The following SACM1L variants were observed in gnomAD, a reference collection of about 807,000 sequenced individuals.
SACM1L encodes the protein phosphatidylinositol-3-phosphatase SAC1.
SACM1L carries 32 observed loss-of-function variants against 89.5 expected under a neutral mutation model. That is an observed-to-expected ratio of 0.36 (90% confidence interval 0.27 to 0.48). SACM1L has a LOEUF of 0.48. Among genes scored for constraint, SACM1L ranks in the 20% least tolerant of loss-of-function variants. SACM1L has a pLI of 0.99. For synonymous variants in SACM1L, 213 were observed against 232.8 expected (o/e 0.92, Z 0.77); for missense variants, 543 against 708.5 (o/e 0.77, Z 2.65).
intron 7 of SACM1L, among the ~76,000 whole-genome samples, chr3:45,716,454 G>A (rs552644070): frequency 3.3e-5 from 5 of 152,264 alleles, no homozygotes; most frequent in African/African-American, 7.2e-5. Context: ...GGGTGACAGC[G>A]CAAGACCTCT....
At chr3:45,734,395 G>A (rs1181703274) in intron 13 of SACM1L, among the ~76,000 whole-genome samples, 12 of 150,890 alleles carry the variant, frequency 8.0e-5, no homozygotes, top group Admixed American at 2.0e-4. Flanking sequence ...TCTGGGTGAC[G>A]GAGGGAGATT....
chr3:45,689,485 A>G lies in SACM1L; in HGVS notation c.20A>G (p.Glu7Gly). 1 of 1,579,364 alleles carries G rather than the reference A, an allele frequency of 6.3e-7. No individual in the cohort carries two copies. The highest frequency in any genetic ancestry group is 2.3e-5 in the East Asian group (1 of 43,402). MATAAY[E>G]QLKLHITPEK... is the part of the protein sequence containing the mutation. The stretch of plus-strand genomic sequence containing the variant: ...TGCAGGATGGCGACGGCGGCCTACG[A>G]GCAGCTGAAGCTGTGAGTCCCACGG... The change falls in exon 1 of 20, where the codon GAG becomes GGG. Residue 7 changes from glutamate to glycine, a missense_variant. Physicochemically the swap from Glu to Gly is moderately conservative, Grantham distance 98. This residue lies in a region of SACM1L where 173 missense variants were observed against 180.9 expected (regional missense o/e 0.96). Transcript: ENST00000389061.
chr3:45,734,155 G>A (rs1476176216), intron 13 of SACM1L, among the ~76,000 whole-genome samples: 1 of 135,746 alleles, frequency 7.4e-6, no homozygotes, highest in Non-Finnish European at 1.5e-5. Flanking sequence ...GCTCACGCCT[G>A]TAATCCCAGC....
rs1699025988 is a variant in SACM1L at position 45,730,516 on chromosome 3, G to GAGAACAACCCTGTCCCCCATTCTTTGC, written c.922-781_922-755dup. On this transcript the variant is annotated intron_variant, in intron 11 of 19. Transcript: ENST00000389061. ...TAACAAAAAAAGAAAGCAAAAATGA[G>GAGAACAACCCTGTCCCCCATTCTTTGC]AGAACAACCCTGTCCCCCATTCTTT... 2 of 152,212 alleles carry GAGAACAACCCTGTCCCCCATTCTTTGC rather than the reference G, an allele frequency of 1.3e-5. 1 individual carries two copies. The highest frequency in any genetic ancestry group is 2.9e-5 in the Non-Finnish European group (2 of 68,034). 9.4% of individuals were successfully genotyped at this position (152,212 alleles called of 1,614,324 possible).
chr3:45,714,374 G>A (rs1220345503), intron 7 of SACM1L, among the ~76,000 whole-genome samples: 2 of 151,984 alleles, frequency 1.3e-5, no homozygotes, highest in Non-Finnish European at 1.5e-5. Flanking sequence ...CCTTTTATCA[G>A]TAAATTACAC....
intron 4 of SACM1L, among the ~76,000 whole-genome samples, chr3:45,708,422 A>G (rs1698448022): frequency 6.6e-6 from 1 of 152,114 alleles, no homozygotes; most frequent in Non-Finnish European, 1.5e-5. Flanking sequence ...TTTAAGTTGT[A>G]TTTTTACACC....
intron 7 of SACM1L, 33 bp from the exon 8 acceptor site, chr3:45,719,467 A>G: frequency 8.2e-7 from 1 of 1,214,050 alleles, no homozygotes; most frequent in Non-Finnish European, 1.2e-6. Context: ...TATGATTTCT[A>G]TTATATGTTA....
intron 1 of SACM1L, among the ~76,000 whole-genome samples, chr3:45,698,595 G>C (rs1698184662): frequency 6.6e-6 from 1 of 152,144 alleles, no homozygotes; most frequent in Non-Finnish European, 1.5e-5. Flanking sequence ...TTGTGCCCCA[G>C]GCTGGAGTGC....
rs546187467 is a variant in SACM1L at position 45,709,656 on chromosome 3, G to T, written c.483+9G>T. On this transcript the variant is annotated intron_variant, in intron 5 of 19. Coordinates refer to ENST00000389061, the MANE Select transcript of SACM1L (RefSeq NM_014016.5). ...TGAGTCTCTTGGAAAGGGTAAGCTT[G>T]ATCTTCAATTATTTTTATTTTTAGG... 5.0e-6 allele frequency: 8 copies of T among 1,588,562 alleles called. No individual in the cohort carries two copies. The highest frequency in any genetic ancestry group is 1.7e-4 in the Middle Eastern group (1 of 5,932).
Position 45,744,479 on chromosome 3 carries a change from C to T in SACM1L, c.*810C>T, listed in dbSNP as rs1699382405. 1.3e-5 allele frequency: 2 copies of T among 152,610 alleles called. No homozygotes were observed. The highest frequency in any genetic ancestry group is 2.1e-4 in the South Asian group (1 of 4,828). 9.5% of individuals were successfully genotyped at this position (152,610 alleles called of 1,614,324 possible). A position where few individuals can be genotyped will look rare whatever the true frequency, so the allele number is the denominator to read the frequency against. On this transcript the variant is annotated 3_prime_UTR_variant, in exon 20 of 20. Coordinates refer to ENST00000389061, the MANE Select transcript of SACM1L (RefSeq NM_014016.5). ...GACTGGTCAGCTACTTCCTCCTATACATTTTGGTTTCTTTGAGGGTCACTC... is the reference window on the plus strand; with the variant it reads ...GACTGGTCAGCTACTTCCTCCTATATATTTTGGTTTCTTTGAGGGTCACTC...
At chr3:45,739,723 C>T (rs1179627625) in intron 19 of SACM1L, 79 bp downstream of exon 19, 13 of 1,286,346 alleles carry the variant, frequency 1.0e-5, no homozygotes, top group East Asian at 6.9e-5. Flanking sequence ...TTGAGTTCAC[C>T]GAACACTTGA....
Position 45,745,266 on chromosome 3 carries a change from A to C in SACM1L, c.*1597A>C, listed in dbSNP as rs1699401390. On this transcript the variant is annotated 3_prime_UTR_variant, in exon 20 of 20. Transcript: ENST00000389061. ...CAACAAAGACCAAATCTGAACTGCT[A>C]ATGTGGCTGCTTTGTAGGGAATGGA... 6.6e-6 allele frequency: 1 copy of C among 152,666 alleles called. No homozygotes were observed. The highest frequency in any genetic ancestry group is 2.4e-5 in the African/African-American group (1 of 41,460). The allele number at this position is 152,666 out of a possible 1,614,324, so 9.5% of individuals were successfully genotyped here. A position where few individuals can be genotyped will look rare whatever the true frequency, so the allele number is the denominator to read the frequency against.
chr3:45,710,345 C>T (rs540120407), intron 5 of SACM1L, among the ~76,000 whole-genome samples: 21 of 151,924 alleles, frequency 1.4e-4, no homozygotes, highest in Admixed American at 5.9e-4. Flanking sequence ...CAATTACAGG[C>T]GTGTGCTAAC....
chr3:45,714,550 G>A (rs1026605798), intron 7 of SACM1L, among the ~76,000 whole-genome samples: 1 of 152,034 alleles, frequency 6.6e-6, no homozygotes, highest in African/African-American at 2.4e-5. Context: ...GAGCTGTGAT[G>A]GCACCACTGC....
intron 1 of SACM1L, among the ~76,000 whole-genome samples, chr3:45,692,936 A>G (rs1575380180): frequency 6.6e-6 from 1 of 152,224 alleles, no homozygotes; most frequent in Non-Finnish European, 1.5e-5. Flanking sequence ...ACTGACAGAG[A>G]TACATTCTGA....
chr3:45,709,651 A>G lies in SACM1L; in HGVS notation c.483+4A>G. The G allele has an allele frequency of 3.1e-6, 5 of 1,593,474 alleles. No homozygotes were observed. Among genetic ancestry groups the G allele is most frequent in the Non-Finnish European group, 4.3e-6 (5 of 1,174,422 alleles). ...AGAAATGAGTCTCTTGGAAAGGGTA[A>G]GCTTGATCTTCAATTATTTTTATTT... On this transcript the variant is annotated splice_donor_region_variant and intron_variant, in intron 5 of 19. Coordinates refer to ENST00000389061, the MANE Select transcript of SACM1L (RefSeq NM_014016.5).
chr3:45,719,765 C>T (rs981129948), intron 8 of SACM1L, among the ~76,000 whole-genome samples, 164 bp downstream of exon 8: 8 of 152,180 alleles, frequency 5.3e-5, no homozygotes, highest in Non-Finnish European at 1.2e-4. Flanking sequence ...TTCCGTGCTT[C>T]AGTTACTGTA....
intron 2 of SACM1L, among the ~76,000 whole-genome samples, chr3:45,704,602 A>G (rs984698496): frequency 1.3e-5 from 2 of 152,198 alleles, no homozygotes; most frequent in African/African-American, 2.4e-5. Flanking sequence ...GATACAACCT[A>G]GTGTCTTACA....
chr3:45,722,689 A>T (rs144143338), intron 9 of SACM1L, among the ~76,000 whole-genome samples, 180 bp from the exon 10 acceptor site: 2 of 152,314 alleles, frequency 1.3e-5, no homozygotes, highest in African/African-American at 4.8e-5. Flanking sequence ...AAAAGTTCTA[A>T]ATGTTTTTCC....
Sources: gnomAD v4.1 joint callset for allele counts (sites outside exome capture counted in the v4.1 genomes callset) on GRCh38, gnomAD v4.1.1 for gene constraint, gnomAD v4.1.1 regional missense constraint, MANE v1.5 for transcripts, NCBI Gene and HGNC (gene_info 2026-07-23, HGNC 2026-07-21) for gene names.